The following PTCD2 variants were observed in gnomAD, a reference collection of about 807,000 sequenced individuals.
The protein encoded by PTCD2 is pentatricopeptide repeat domain 2.
A neutral mutation model predicts 42.6 loss-of-function variants in PTCD2; 31 were observed. That is an observed-to-expected ratio of 0.73 (90% CI 0.55 to 0.98). PTCD2 has a LOEUF of 0.98. PTCD2 is among the 50% of genes least tolerant of loss of function. PTCD2 has a pLI of 0.00. For synonymous variants in PTCD2, 183 were observed against 170.9 expected, an observed-to-expected ratio of 1.07 and a Z score of -0.55; for missense variants, 476 against 454.8, an observed-to-expected ratio of 1.05 and a Z score of -0.42.
At chr5:72,353,214 C>G (rs1009440154) in intron 9 of PTCD2, among the ~76,000 whole-genome samples, 2 of 152,174 alleles carry the variant, frequency 1.3e-5, no homozygotes, top group African/African-American at 4.8e-5. Flanking sequence ...ATACATCTCT[C>G]ACACCAGCCT....
intron 7 of PTCD2, among the ~76,000 whole-genome samples, chr5:72,342,139 C>T (rs1396916881): frequency 6.6e-6 from 1 of 151,966 alleles, no homozygotes; most frequent in Non-Finnish European, 1.5e-5. Flanking sequence ...TTTGTAGATT[C>T]ATGTCAGAGA....
intron 9 of PTCD2, among the ~76,000 whole-genome samples, chr5:72,354,462 A>G (rs1400806409): frequency 6.7e-6 from 1 of 150,054 alleles, no homozygotes; most frequent in African/African-American, 2.5e-5. Context: ...AAAAATGGGT[A>G]AGAGATGTGG....
At chr5:72,327,561 C>T (rs1471691062) in intron 3 of PTCD2, among the ~76,000 whole-genome samples, 1 of 151,236 alleles carries the variant, frequency 6.6e-6, no homozygotes, top group Admixed American at 6.6e-5. Context: ...GCAACCTCCA[C>T]CTCCAGGTTC....
At chr5:72,337,694 G>A (rs1334655727) in intron 6 of PTCD2, among the ~76,000 whole-genome samples, 1 of 152,190 alleles carries the variant, frequency 6.6e-6, no homozygotes, top group Non-Finnish European at 1.5e-5. Flanking sequence ...TTTGGAGGCT[G>A]AGGCAGGAGA....
Position 72,366,612 on chromosome 5 carries a change from C to G in PTCD2, c.*8185C>G, listed in dbSNP as rs1233172543. On this transcript the variant is annotated 3_prime_UTR_variant, in exon 10 of 10. Transcript: ENST00000380639. Reference sequence around the variant, plus strand: ...AAGGTGCTAGTTTTCAAAAGCATTTCTGGAATTCAGAGAGAACAGAGGTCC... The same window carrying G: ...AAGGTGCTAGTTTTCAAAAGCATTTGTGGAATTCAGAGAGAACAGAGGTCC... 6.6e-6 allele frequency: 1 copy of G among 152,212 alleles called. No homozygotes were observed. The highest frequency in any genetic ancestry group is 1.5e-5 in the Non-Finnish European group (1 of 68,042). The allele number at this position is 152,212 out of a possible 1,614,324, so 9.4% of individuals were successfully genotyped here. A position where few individuals can be genotyped will look rare whatever the true frequency, so the allele number is the denominator to read the frequency against.
chr5:72,327,225 A>C (rs1237209826), intron 3 of PTCD2, among the ~76,000 whole-genome samples: 1 of 152,050 alleles, frequency 6.6e-6, no homozygotes, highest in South Asian at 2.1e-4. Context: ...GCAGTGTCTT[A>C]GTTCACGCTT....
intron 9 of PTCD2, 99 bp from the exon 10 acceptor site, chr5:72,358,104 T>C: frequency 2.7e-6 from 3 of 1,105,924 alleles, no homozygotes; most frequent in Non-Finnish European, 4.0e-6. Context: ...TGGCCTACCA[T>C]ACATTTTTGT....
intron 1 of PTCD2, chr5:72,321,207 C>T (rs1413337450): frequency 6.6e-6 from 1 of 152,244 alleles, no homozygotes; most frequent in East Asian, 1.9e-4. Context: ...TCAAAACTAT[C>T]CTCTAACATC....
chr5:72,321,889 C>T (rs1750870911), intron 1 of PTCD2, among the ~76,000 whole-genome samples: 1 of 152,168 alleles, frequency 6.6e-6, no homozygotes, highest in Non-Finnish European at 1.5e-5. Flanking sequence ...ATCCCAACTT[C>T]CTGTCAACCA....
chr5:72,342,083 A>G (rs540070850), intron 7 of PTCD2, among the ~76,000 whole-genome samples: 16 of 152,012 alleles, frequency 1.1e-4, no homozygotes, highest in African/African-American at 3.6e-4. Flanking sequence ...AAATAAAAAT[A>G]AAAATTCAAA....
In PTCD2 at chr5:72,320,455, G is replaced by C; in HGVS notation, c.73G>C (p.Val25Leu). The C allele has an allele frequency of 6.2e-7, 1 of 1,614,146 alleles. No individual in the cohort carries two copies. Among genetic ancestry groups the C allele is most frequent in the Non-Finnish European group, 8.5e-7 (1 of 1,180,032 alleles). The change falls in exon 1 of 10, where the codon GTG becomes CTG. Residue 25 changes from valine (V) to leucine (L), a missense_variant. Val to Leu is a conservative substitution (Grantham distance 32, BLOSUM62 1). Transcript: ENST00000380639. ...RVLLQALQIL[V>L]YPGVGGSGSV... The stretch of plus-strand genomic sequence containing the variant: ...TCTCCTGCAGGCGCTGCAGATTTTG[G>C]TGTATCCTGGGGTGGGAGGCTCCGG...
intron 3 of PTCD2, 130 bp downstream of exon 3, chr5:72,326,871 C>T: frequency 1.1e-6 from 1 of 879,952 alleles, no homozygotes; most frequent in African/African-American, 1.7e-5. Flanking sequence ...TGTTCGGATG[C>T]CTACCTTGAA....
At chr5:72,349,072 A>G in intron 8 of PTCD2, among the ~76,000 whole-genome samples, 1 of 152,336 alleles carries the variant, frequency 6.6e-6, no homozygotes, top group East Asian at 1.9e-4. Flanking sequence ...AAATTAGAGC[A>G]TTTATTTTTC....
intron 9 of PTCD2, among the ~76,000 whole-genome samples, chr5:72,354,428 A>T (rs73102456): frequency 0.012 from 1,741 of 143,110 alleles, 33 homozygotes; most frequent in African/African-American, 0.043. Context: ...GAAAATTCTG[A>T]GAAAAGAACC....
intron 8 of PTCD2, among the ~76,000 whole-genome samples, chr5:72,351,677 T>G (rs1412607054): frequency 3.3e-5 from 5 of 152,148 alleles, no homozygotes; most frequent in African/African-American, 1.2e-4. Context: ...AACTGCCACT[T>G]ATAAAACCAT....
At chr5:72,333,173 C>G (rs1474717177) in intron 4 of PTCD2, among the ~76,000 whole-genome samples, 1 of 152,126 alleles carries the variant, frequency 6.6e-6, no homozygotes, top group African/African-American at 2.4e-5. Context: ...TCCCCTTTCT[C>G]CCTTGCTGAC....
intron 6 of PTCD2, among the ~76,000 whole-genome samples, chr5:72,336,353 C>T (rs559032565): frequency 1.3e-5 from 2 of 152,302 alleles, no homozygotes; most frequent in Admixed American, 1.3e-4. Flanking sequence ...TGTGTCACCT[C>T]CCTGGTACTT....
chr5:72,332,413 A>T (rs374851273), intron 4 of PTCD2, among the ~76,000 whole-genome samples: 56 of 152,304 alleles, frequency 3.7e-4, no homozygotes, highest in Middle Eastern at 3.4e-3. Context: ...TTAACATTTT[A>T]ACAAAATATA....
At chr5:72,332,485 A>T (rs1342899303) in intron 4 of PTCD2, among the ~76,000 whole-genome samples, 1 of 152,094 alleles carries the variant, frequency 6.6e-6, no homozygotes, top group Non-Finnish European at 1.5e-5. Context: ...TAGAATTATT[A>T]AAAATTCTCA....
Sources: gnomAD v4.1 joint callset for allele counts (sites outside exome capture counted in the v4.1 genomes callset) on GRCh38, gnomAD v4.1.1 for gene constraint, MANE v1.5 for transcripts, NCBI Gene and HGNC (gene_info 2026-07-23, HGNC 2026-07-21) for gene names.